BANK1: variants seen among roughly 807,000 people sequenced by gnomAD.
BANK1 encodes the protein B-cell scaffold protein with ankyrin repeats.
In BANK1, 95 loss-of-function variants were observed where a neutral mutation model predicts 94.5. The ratio of observed to expected loss-of-function variants is 1.00; its 90% confidence interval spans 0.85 to 1.19. The LOEUF (loss-of-function observed/expected upper bound fraction) is 1.19. Ranked by LOEUF, BANK1 falls within the 50% of genes most tolerant of loss-of-function variation. The pLI, the probability that BANK1 is intolerant of heterozygous loss-of-function variation, is 0.00. For synonymous variants in BANK1, 334 were observed against 308.4 expected, an observed-to-expected ratio of 1.08 and a Z score of -0.87; for missense variants, 987 against 932.2, an observed-to-expected ratio of 1.06 and a Z score of -0.77.
rs202021744 is a variant in BANK1 at position 102,025,528 on chromosome 4, A to AAAAAC, written c.1594+33_1594+37dup. 1.1e-3 allele frequency: 1,786 copies of AAAAAC among 1,607,884 alleles called. 30 individuals are homozygous for AAAAAC. The East Asian group carries it at 0.035, about 32-fold the overall frequency. ...TTACCAGGTAAGTTTAAGGTTAGAA[A>AAAAAC]AAAACAAAACAAAACAAAGACAAAT... On this transcript the variant is annotated intron_variant, in intron 9 of 16. Transcript: ENST00000322953.
chr4:101,986,899 GTATATATA>G (rs1166018412), intron 7 of BANK1, among the ~76,000 whole-genome samples: 9 of 82,666 alleles, frequency 1.1e-4, no homozygotes, highest in African/African-American at 1.3e-4. Flanking sequence ...GTGTGTGTGT[GTATATATA>G]TATATATATA....
At chr4:101,880,642 TG>T (rs1471800531) in intron 5 of BANK1, among the ~76,000 whole-genome samples, 5 of 151,812 alleles carry the variant, frequency 3.3e-5, no homozygotes, top group African/African-American at 1.2e-4. Flanking sequence ...CAAAAGAAAT[TG>T]GATGAATAAC....
At chr4:101,895,109 A>G (rs1722016037) in intron 5 of BANK1, among the ~76,000 whole-genome samples, 196 bp from the exon 6 acceptor site, 1 of 151,480 alleles carries the variant, frequency 6.6e-6, no homozygotes, top group Non-Finnish European at 1.5e-5. Context: ...TCTTGAATCC[A>G]TTTTTCTGTT....
At chr4:102,023,712 T>A (rs975764150) in intron 8 of BANK1, among the ~76,000 whole-genome samples, 1 of 152,174 alleles carries the variant, frequency 6.6e-6, no homozygotes, top group African/African-American at 2.4e-5. Flanking sequence ...CAAGTACCAT[T>A]CAGATTCTGT....
intron 3 of BANK1, among the ~76,000 whole-genome samples, chr4:101,856,810 A>G (rs1464197909): frequency 1.3e-5 from 2 of 152,154 alleles, no homozygotes; most frequent in Middle Eastern, 3.2e-3. Context: ...TTTCAATATA[A>G]AATTTCTTTT....
intron 4 of BANK1, among the ~76,000 whole-genome samples, chr4:101,865,235 T>C (rs1728024042): frequency 6.6e-6 from 1 of 152,164 alleles, no homozygotes; most frequent in South Asian, 2.1e-4. Context: ...GAGAGTGTCA[T>C]TTGAAATCTG....
intron 6 of BANK1, among the ~76,000 whole-genome samples, chr4:101,910,942 A>G (rs1006229702): frequency 6.6e-6 from 1 of 152,196 alleles, no homozygotes; most frequent in African/African-American, 2.4e-5. Flanking sequence ...AAACAGAACT[A>G]CAAAAATAAG....
At chr4:101,909,841 T>A (rs1722601260) in intron 6 of BANK1, among the ~76,000 whole-genome samples, 1 of 152,238 alleles carries the variant, frequency 6.6e-6, no homozygotes, top group Admixed American at 6.5e-5. Flanking sequence ...GGGGCAAATA[T>A]AATACACATA....
rs200637443 is a variant in BANK1 at position 102,064,428 on chromosome 4, T to TAAC, written c.2212+1292_2212+1294dup. ...ATTTTACCAAGGAGCATTAAAAAGC[T>TAAC]AACATTTATTATCACCTATACATTA... On this transcript the variant is annotated intron_variant, in intron 13 of 16. Transcript: ENST00000322953. Among the ~76,000 whole-genome samples the TAAC allele has an allele frequency of 1.0e-3, 159 of 152,320 alleles. No individual in the cohort carries two copies. The East Asian group carries it at 0.028, about 26-fold the overall frequency.
intron 7 of BANK1, among the ~76,000 whole-genome samples, chr4:101,948,180 G>A (rs1723999864): frequency 6.6e-6 from 1 of 152,056 alleles, no homozygotes; most frequent in African/African-American, 2.4e-5. Context: ...CAGAGTATGA[G>A]ACTAGCCCTA....
At chr4:101,979,350 G>T (rs1036567089) in intron 7 of BANK1, among the ~76,000 whole-genome samples, 1 of 151,816 alleles carries the variant, frequency 6.6e-6, no homozygotes, top group Non-Finnish European at 1.5e-5. Context: ...AACCAATAAA[G>T]CTGTGAATAT....
chr4:101,986,897 G>GTGTGTGTGTGTGTA (rs1725518521), intron 7 of BANK1, among the ~76,000 whole-genome samples: 1 of 58,024 alleles, frequency 1.7e-5, no homozygotes, highest in African/African-American at 9.5e-5. Context: ...GTGTGTGTGT[G>GTGTGTGTGTGTGTA]TGTATATATA....
At chr4:101,806,959 A>G (rs1262348133) in intron 1 of BANK1, among the ~76,000 whole-genome samples, 1 of 152,166 alleles carries the variant, frequency 6.6e-6, no homozygotes, top group African/African-American at 2.4e-5. Flanking sequence ...ATATCAGATG[A>G]CTCAAATACC....
At chr4:102,001,226 C>T (rs1456358296) in intron 7 of BANK1, among the ~76,000 whole-genome samples, 1 of 152,172 alleles carries the variant, frequency 6.6e-6, no homozygotes, top group Non-Finnish European at 1.5e-5. Context: ...GTAATTTGAG[C>T]AAAATCTTAG....
chr4:101,802,358 C>T (rs1010320769), intron 1 of BANK1, among the ~76,000 whole-genome samples: 4 of 152,114 alleles, frequency 2.6e-5, no homozygotes, highest in Admixed American at 2.6e-4. Flanking sequence ...TTATTCCCTA[C>T]AGGTTATAAA....
intron 13 of BANK1, among the ~76,000 whole-genome samples, chr4:102,068,157 A>T (rs147745766): frequency 1.0e-3 from 155 of 152,256 alleles, no homozygotes; most frequent in African/African-American, 3.4e-3. Flanking sequence ...AATTTGTGAA[A>T]TGCAGGTGAA....
chr4:101,811,818 C>A (rs1419071143), intron 1 of BANK1, among the ~76,000 whole-genome samples: 1 of 151,998 alleles, frequency 6.6e-6, no homozygotes, highest in Non-Finnish European at 1.5e-5. Flanking sequence ...TAAGAAGATT[C>A]CTTCACCACA....
At chr4:101,822,850 C>T (rs1380004196) in intron 1 of BANK1, among the ~76,000 whole-genome samples, 4 of 152,004 alleles carry the variant, frequency 2.6e-5, no homozygotes, top group Admixed American at 1.3e-4. Context: ...CTCCTGACCT[C>T]GTGATCCGCC....
At chr4:102,028,428 C>T (rs1727174796) in intron 9 of BANK1, among the ~76,000 whole-genome samples, 1 of 152,206 alleles carries the variant, frequency 6.6e-6, no homozygotes, top group African/African-American at 2.4e-5. Context: ...AGAGTTAAGA[C>T]TCTGTTGGGA....
Sources: gnomAD v4.1 joint callset for allele counts (sites outside exome capture counted in the v4.1 genomes callset) on GRCh38, gnomAD v4.1.1 for gene constraint, MANE v1.5 for transcripts, NCBI Gene and HGNC (gene_info 2026-07-23, HGNC 2026-07-21) for gene names.